NECTIN3: variants seen among roughly 807,000 people sequenced by gnomAD.
The protein encoded by NECTIN3 is nectin cell adhesion molecule 3.
In NECTIN3, 8 loss-of-function variants were observed where a neutral mutation model predicts 49.4. The observed-to-expected ratio is 0.16, with a 90% confidence interval of 0.10 to 0.29. The LOEUF (loss-of-function observed/expected upper bound fraction) is 0.29, where lower values mean the gene tolerates loss of function less well. Ranked by LOEUF, NECTIN3 falls within the 10% of genes least tolerant of loss-of-function variation. The pLI is 1.00. For missense variants in NECTIN3, 581 were observed against 654.6 expected, an observed-to-expected ratio of 0.89 and a Z score of 1.23; for synonymous variants, 277 against 241.1, an observed-to-expected ratio of 1.15 and a Z score of -1.38.
chr3:111,151,145 A>G (rs2034993509), intron 7 of NECTIN3, among the ~76,000 whole-genome samples: 1 of 151,924 alleles, frequency 6.6e-6, no homozygotes, highest in Non-Finnish European at 1.5e-5. Flanking sequence ...TTAATTTGAC[A>G]GATCAAAATT....
At chr3:111,077,343 G>GAAAAAA in intron 1 of NECTIN3, 1 of 29,690 alleles carries the variant, frequency 3.4e-5, no homozygotes, top group Non-Finnish European at 5.6e-4. Context: ...AACTTTAATG[G>GAAAAAA]TAAAAAAAAA....
intron 5 of NECTIN3, among the ~76,000 whole-genome samples, chr3:111,128,622 C>G (rs1350108790): frequency 1.3e-5 from 2 of 152,088 alleles, no homozygotes; most frequent in Non-Finnish European, 2.9e-5. Context: ...TACTTCTTTC[C>G]TTACATTTGT....
chr3:111,135,244 G>T lies in NECTIN3; in HGVS notation c.*1029G>T. On this transcript the variant is annotated 3_prime_UTR_variant, in exon 6 of 6. Transcript: ENST00000485303. ...ATTTTAGAGTAAACTTGGAACTTTG[G>T]ATATAACTAGAAAAAACTAGATTAT... 1.0e-6 allele frequency: 1 copy of T among 969,258 alleles called. No homozygotes were observed. The highest frequency in any genetic ancestry group is 1.2e-6 in the Non-Finnish European group (1 of 815,674). 60.0% of individuals were successfully genotyped at this position (969,258 alleles called of 1,614,324 possible).
At chr3:111,149,471 G>A (rs967578515) in intron 7 of NECTIN3, among the ~76,000 whole-genome samples, 4 of 142,908 alleles carry the variant, frequency 2.8e-5, no homozygotes, top group Non-Finnish European at 6.0e-5. Flanking sequence ...GTGTGTGTGT[G>A]TGTGTGTGTG....
intron 7 of NECTIN3, among the ~76,000 whole-genome samples, chr3:111,147,777 A>G (rs1319549114): frequency 6.6e-6 from 1 of 152,216 alleles, no homozygotes; most frequent in East Asian, 1.9e-4. Context: ...GCTTTTTACT[A>G]AATACTTGTT....
chr3:111,165,483 C>G (rs1038023997), intron 7 of NECTIN3, among the ~76,000 whole-genome samples: 1 of 152,094 alleles, frequency 6.6e-6, no homozygotes, highest in Non-Finnish European at 1.5e-5. Flanking sequence ...AAATGACTTT[C>G]CTGAAAGAAC....
chr3:111,075,657 T>C (rs981653932), intron 1 of NECTIN3, among the ~76,000 whole-genome samples: 8 of 152,148 alleles, frequency 5.3e-5, no homozygotes, highest in Non-Finnish European at 8.8e-5. Flanking sequence ...GTACTTTACA[T>C]CTATATATTG....
chr3:111,116,347 C>T (rs1463518937), intron 2 of NECTIN3, among the ~76,000 whole-genome samples: 1 of 152,096 alleles, frequency 6.6e-6, no homozygotes, highest in Non-Finnish European at 1.5e-5. Flanking sequence ...TTTTTAGTTT[C>T]TCCTAAGGAC....
intron 3 of NECTIN3, among the ~76,000 whole-genome samples, chr3:111,121,526 T>G (rs2033956180): frequency 6.6e-6 from 1 of 152,176 alleles, no homozygotes; most frequent in African/African-American, 2.4e-5. Flanking sequence ...CATGTTTTAG[T>G]ACATTTGAAG....
At chr3:111,131,692 G>GA (rs1400002958) in intron 5 of NECTIN3, among the ~76,000 whole-genome samples, 1 of 151,796 alleles carries the variant, frequency 6.6e-6, no homozygotes, top group African/African-American at 2.4e-5. Context: ...ATGACCATTT[G>GA]TGTTCATATA....
intron 2 of NECTIN3, among the ~76,000 whole-genome samples, chr3:111,112,878 A>G (rs150888000): frequency 1.3e-5 from 2 of 152,260 alleles, no homozygotes; most frequent in East Asian, 1.9e-4. Context: ...ACTATTTCCT[A>G]TGATACCTGT....
chr3:111,105,127 CT>C (rs1202894266), intron 1 of NECTIN3, among the ~76,000 whole-genome samples: 6 of 140,708 alleles, frequency 4.3e-5, no homozygotes, highest in Middle Eastern at 3.6e-3. Context: ...GTTTTCTTTT[CT>C]TTTTTTTCTT....
chr3:111,180,599 G>A (rs2035609176), intron 7 of NECTIN3, among the ~76,000 whole-genome samples: 2 of 152,108 alleles, frequency 1.3e-5, no homozygotes, highest in African/African-American at 4.8e-5. Context: ...CTTTTAGAGA[G>A]GTACTTAATA....
intron 7 of NECTIN3, among the ~76,000 whole-genome samples, chr3:111,159,324 A>G (rs1300618946): frequency 6.6e-6 from 1 of 152,174 alleles, no homozygotes; most frequent in Non-Finnish European, 1.5e-5. Flanking sequence ...TTGTATACAG[A>G]GATTTATAAT....
At chr3:111,168,354 C>G (rs910887899) in intron 7 of NECTIN3, among the ~76,000 whole-genome samples, 4 of 152,082 alleles carry the variant, frequency 2.6e-5, no homozygotes, top group African/African-American at 9.7e-5. Flanking sequence ...AATAGGTGAT[C>G]AGAGACAGGA....
At chr3:111,145,162 T>A (rs1317504992) in intron 6 of NECTIN3, 8 of 1,101,478 alleles carry the variant, frequency 7.3e-6, no homozygotes, top group Non-Finnish European at 8.8e-6. Context: ...AGGCCTTTGT[T>A]AGATGACCGT....
chr3:111,192,492 A>G, intron 1 of NECTIN3: 1 of 1,309,008 alleles, frequency 7.6e-7, no homozygotes, highest in Non-Finnish European at 1.1e-6. Flanking sequence ...TTAATTGTAT[A>G]CAAGTTCATT....
At chr3:111,192,431 C>A in intron 1 of NECTIN3, 1 of 1,526,126 alleles carries the variant, frequency 6.6e-7, no homozygotes, top group Non-Finnish European at 8.8e-7. Context: ...ACTGTGTTGT[C>A]GGTATCAGCC....
intron 1 of NECTIN3, among the ~76,000 whole-genome samples, chr3:111,097,403 G>T (rs923579209): frequency 6.6e-6 from 1 of 152,162 alleles, no homozygotes; most frequent in South Asian, 2.1e-4. Context: ...GTGGACTTTT[G>T]AGTTAATGCT....
Sources: allele counts gnomAD v4.1 joint callset (sites outside exome capture counted in the v4.1 genomes callset), GRCh38; gene constraint gnomAD v4.1.1; transcripts MANE v1.5; gene names NCBI Gene and HGNC (gene_info 2026-07-23, HGNC 2026-07-21).